Variants in SEC62 observed in about 807,000 individuals in gnomAD.
SEC62 encodes SEC62 preprotein translocation factor, also known as translocation protein SEC62.
SEC62 carries 10 observed loss-of-function variants against 47.5 expected under a neutral mutation model. The observed-to-expected ratio is 0.21, with a 90% CI of 0.13 to 0.36. The LOEUF (loss-of-function observed/expected upper bound fraction) is 0.36, where lower values mean the gene tolerates loss of function less well. SEC62 is among the 10% of genes least tolerant of loss of function. SEC62 has a pLI of 1.00. For missense variants in SEC62, 327 were observed against 464.1 expected, an observed-to-expected ratio of 0.70 and a Z score of 2.71; for synonymous variants, 136 against 150.5, an observed-to-expected ratio of 0.90 and a Z score of 0.71.
Position 169,995,679 on chromosome 3 carries a change from T to C in SEC62, c.*2616T>C, listed in dbSNP as rs956174268. ...AAACAGCAAGTATGGTTGATTCTCA[T>C]TATTCAAGGTAGTTACGTTCTATAA... is the stretch of plus-strand genomic sequence containing the variant. On this transcript the variant is annotated 3_prime_UTR_variant, in exon 8 of 8. Coordinates refer to ENST00000337002, the MANE Select transcript of SEC62 (RefSeq NM_003262.4). The C allele has an allele frequency of 3.3e-5, 5 of 152,128 alleles. No individual in the cohort carries two copies. The highest frequency in any genetic ancestry group is 1.2e-4 in the African/African-American group (5 of 41,422). The allele number at this position is 152,128 out of a possible 1,614,324, so 9.4% of individuals were successfully genotyped here. A position where few individuals can be genotyped will look rare whatever the true frequency, so the allele number is the denominator to read the frequency against.
intron 1 of SEC62, chr3:169,969,334 T>A (rs932954331): frequency 4.4e-6 from 2 of 456,572 alleles, no homozygotes; most frequent in African/African-American, 4.0e-5. Context: ...GCAAGAGGAC[T>A]GTTGTCACAT....
Position 169,988,246 on chromosome 3 carries a change from C to T in SEC62, c.617C>T (p.Ala206Val). The T allele has an allele frequency of 6.8e-6, 11 of 1,613,328 alleles. No homozygotes were observed. Among genetic ancestry groups the T allele is most frequent in the Non-Finnish European group, 9.3e-6 (11 of 1,179,502 alleles). ...TTGTCATTTCTTGTTCCAGTGATTG[C>T]AGTAATAGCGGCCACCCTCTTCCCC... ...TFVMGLILVI[A>V]VIAATLFPLW... The change falls in exon 7 of 8, where the codon GCA (alanine) becomes GTA (valine). Residue 206 changes from alanine (A) to valine (V), a missense_variant. Ala to Val is a moderately conservative substitution (Grantham distance 64, BLOSUM62 0). Coordinates refer to ENST00000337002, the MANE Select transcript of SEC62 (RefSeq NM_003262.4).
At chr3:169,970,294 G>T (rs994249106) in intron 1 of SEC62, among the ~76,000 whole-genome samples, 1 of 152,148 alleles carries the variant, frequency 6.6e-6, no homozygotes, top group Admixed American at 6.5e-5. Context: ...AGATCTTATT[G>T]TTAAACTACT....
chr3:169,983,606 T>C (rs1324589569), intron 5 of SEC62: 1 of 158,980 alleles, frequency 6.3e-6, no homozygotes, highest in East Asian at 1.8e-4. Flanking sequence ...GGTTACCTTA[T>C]GGTCCAGAAT....
At chr3:169,984,733 A>C (rs1715058196) in intron 5 of SEC62, among the ~76,000 whole-genome samples, 2 of 152,240 alleles carry the variant, frequency 1.3e-5, no homozygotes, top group Non-Finnish European at 2.9e-5. Context: ...GAGTAAAATA[A>C]GAGGTTAAAG....
intron 3 of SEC62, among the ~76,000 whole-genome samples, chr3:169,980,355 CAG>C (rs3836223): frequency 0.19 from 28,349 of 151,290 alleles, 2,673 homozygotes; most frequent in South Asian, 0.23. Context: ...GTAAAAATGT[CAG>C]AGAGTTTTAT....
At chr3:169,966,962 TG>T in intron 1 of SEC62, 104 bp downstream of exon 1, 1 of 53,550 alleles carries the variant, frequency 1.9e-5, no homozygotes, top group Non-Finnish European at 4.7e-5. Context: ...CGAGGTGGGG[TG>T]GGGTGGGGTG....
rs1212859980 is a variant in SEC62, at chr3:169,983,313, T to C, written c.549+60T>C. On this transcript the variant is annotated intron_variant, in intron 5 of 7. Transcript: ENST00000337002. ...CTATAGGAGTTTTTAGAAAGATGTT[T>C]GATGCCTTCACTAATAAAAGGAAAA... is the stretch of plus-strand genomic sequence containing the variant. The C allele has an allele frequency of 7.9e-6, 9 of 1,136,782 alleles. No homozygotes were observed. In the African/African-American group the frequency reaches 9.6e-5, roughly 12 times the overall value. 70.4% of individuals were successfully genotyped at this position (1,136,782 alleles called of 1,614,324 possible). A position where few individuals can be genotyped will look rare whatever the true frequency, so the allele number is the denominator to read the frequency against.
chr3:169,983,258 G>T lies in SEC62; in HGVS notation c.549+5G>T, dbSNP rs1424572053. On this transcript the variant is annotated splice_donor_5th_base_variant and intron_variant, in intron 5 of 7. Transcript: ENST00000337002. Reference sequence around the variant, plus strand: ...GTTTTTCTGGATGGAAATGAGGTGAGAGTAAGCCTATAACTAGAAGTTCAG... The same window carrying T: ...GTTTTTCTGGATGGAAATGAGGTGATAGTAAGCCTATAACTAGAAGTTCAG... The T allele has an allele frequency of 1.3e-6, 2 of 1,598,414 alleles. No individual in the cohort carries two copies. Among genetic ancestry groups the T allele is most frequent in the East Asian group, 2.2e-5 (1 of 44,458 alleles).
chr3:169,975,417 T>G, intron 1 of SEC62, 191 bp from the exon 2 acceptor site: 1 of 444,960 alleles, frequency 2.2e-6, no homozygotes. Context: ...CAACTTATAT[T>G]TGAAAAACGT....
At chr3:169,985,742 T>G (rs1715089568) in intron 5 of SEC62, 63 bp from the exon 6 acceptor site, 2 of 1,313,408 alleles carry the variant, frequency 1.5e-6, no homozygotes, top group Non-Finnish European at 2.2e-6. Context: ...AATATAGAAT[T>G]AAGCATTACT....
chr3:169,978,894 C>T (rs951320826), intron 3 of SEC62, among the ~76,000 whole-genome samples: 5 of 152,182 alleles, frequency 3.3e-5, no homozygotes, highest in Admixed American at 3.3e-4. Context: ...TAGGGTTCTA[C>T]ATCTAGCAGC....
Position 169,982,531 on chromosome 3 carries a change from A to G in SEC62, c.252-176A>G, listed in dbSNP as rs1006108417. On this transcript the variant is annotated intron_variant, in intron 3 of 7. Transcript: ENST00000337002. ...TGACAACTTTTATATAATTGACTGTAAAGTGTTTTGATTTAGTGGTAGAGT... is the reference window on the plus strand; with the variant it reads ...TGACAACTTTTATATAATTGACTGTGAAGTGTTTTGATTTAGTGGTAGAGT... 29 of 666,882 alleles carry G rather than the reference A, an allele frequency of 4.3e-5. No homozygotes were observed. The African/African-American group carries it at 4.7e-4, about 11-fold the overall frequency. The allele number at this position is 666,882 out of a possible 1,614,324, so 41.3% of individuals were successfully genotyped here.
chr3:169,983,379 T>C (rs191472913), intron 5 of SEC62, 126 bp downstream of exon 5: 155 of 461,534 alleles, frequency 3.4e-4, no homozygotes, highest in African/African-American at 2.6e-3. Flanking sequence ...GTATAAAAGC[T>C]ACTCCATTTT....
Position 169,966,876 on chromosome 3 carries a change from T to G in SEC62, c.36+18T>G, listed in dbSNP as rs1486668319. 4.4e-6 allele frequency: 6 copies of G among 1,358,028 alleles called. No homozygotes were observed. In the African/African-American group the frequency reaches 9.5e-5, roughly 22 times the overall value. The allele number at this position is 1,358,028 out of a possible 1,614,324, so 84.1% of individuals were successfully genotyped here. ...GGATCCAGGTAGCAAAGCCGAGCTC[T>G]GGGCAGGGGGCTTCGGCGCGCTGGA... On this transcript the variant is annotated intron_variant, in intron 1 of 7. Coordinates refer to ENST00000337002, the MANE Select transcript of SEC62 (RefSeq NM_003262.4).
At chr3:169,990,320 T>C (rs1715215144) in intron 7 of SEC62, among the ~76,000 whole-genome samples, 1 of 152,080 alleles carries the variant, frequency 6.6e-6, no homozygotes, top group East Asian at 1.9e-4. Flanking sequence ...GTCACAATTA[T>C]ATCTGGTGTT....
intron 3 of SEC62, among the ~76,000 whole-genome samples, chr3:169,980,403 A>G (rs1714942254): frequency 6.6e-6 from 1 of 152,152 alleles, no homozygotes; most frequent in Non-Finnish European, 1.5e-5. Flanking sequence ...GTTTAAAGCC[A>G]AACAAACGGA....
Position 169,988,337 on chromosome 3 carries a change from C to T in SEC62, c.708C>T (p.Ala236=). 6.2e-7 allele frequency: 1 copy of T among 1,613,452 alleles called. No individual in the cohort carries two copies. The highest frequency in any genetic ancestry group is 8.5e-7 in the Non-Finnish European group (1 of 1,179,612). The change falls in exon 7 of 8, where the codon GCC becomes GCT. Residue 236 remains alanine (A), a synonymous_variant. Transcript: ENST00000337002. ...GTGTGGGTGCAGGCTGTTTTGTAGC[C>T]AGTATTCTTCTCCTTGCTGTTGGTA... The part of the protein sequence containing the change: ...YLSVGAGCFV[A]SILLLAVARC...
intron 1 of SEC62, chr3:169,969,481 G>A (rs761349035): frequency 1.8e-5 from 7 of 399,514 alleles, no homozygotes; most frequent in Non-Finnish European, 3.5e-5. Context: ...AGAAATTTTA[G>A]AGTTTAAAAG....
Sources: gnomAD v4.1 joint callset for allele counts (sites outside exome capture counted in the v4.1 genomes callset) on GRCh38, gnomAD v4.1.1 for gene constraint, MANE v1.5 for transcripts, NCBI Gene and HGNC (gene_info 2026-07-23, HGNC 2026-07-21) for gene names.